ANKRD44: variants seen among roughly 807,000 people sequenced by gnomAD.
The protein encoded by ANKRD44 is serine/threonine-protein phosphatase 6 regulatory ankyrin repeat subunit B.
Under a neutral mutation model 116.0 loss-of-function variants are expected in ANKRD44, and 35 were observed. That is an observed-to-expected ratio of 0.30 (90% confidence interval 0.23 to 0.40). ANKRD44 has a LOEUF of 0.40. Ranked by LOEUF, ANKRD44 falls within the 10% of genes least tolerant of loss-of-function variation. The pLI, the probability that ANKRD44 is intolerant of heterozygous loss-of-function variation, is 1.00. For synonymous variants in ANKRD44, 435 were observed against 461.8 expected, an observed-to-expected ratio of 0.94 and a Z score of 0.74; for missense variants, 1,014 against 1,242.6, an observed-to-expected ratio of 0.82 and a Z score of 2.77.
rs139406989 is a variant in ANKRD44 at position 197,038,366 on chromosome 2, A to T, written c.1651-13099T>A. The stretch of plus-strand genomic sequence containing the variant: ...CTTATAATAACAAAAACACCAACCA[A>T]CCAATCAATCAGCAAAACAAGCAAA... On this transcript the variant is annotated intron_variant, in intron 16 of 27. Transcript: ENST00000282272. 4.5e-3 allele frequency among the ~76,000 whole-genome samples: 678 copies of T among 152,272 alleles called. 22 individuals are homozygous for T. Among genetic ancestry groups the T allele is most frequent in the Admixed American group, 0.04 (616 of 15,300 alleles).
intron 2 of ANKRD44, among the ~76,000 whole-genome samples, chr2:197,186,788 A>C (rs1312140575): frequency 6.6e-6 from 1 of 151,758 alleles, no homozygotes; most frequent in African/African-American, 2.4e-5. Flanking sequence ...TTAAAAGCAC[A>C]TATATTACCA....
At chr2:197,131,881 T>C (rs977921384) in intron 4 of ANKRD44, among the ~76,000 whole-genome samples, 4 of 152,178 alleles carry the variant, frequency 2.6e-5, no homozygotes, top group Non-Finnish European at 5.9e-5. Context: ...TACATTTCGT[T>C]CCTTTCCCCT....
At chr2:196,973,071 C>T (rs1036325800) in intron 21 of ANKRD44, among the ~76,000 whole-genome samples, 9 of 152,152 alleles carry the variant, frequency 5.9e-5, no homozygotes, top group African/African-American at 2.2e-4. Context: ...TTCCTATACC[C>T]ACTACCACTG....
intron 1 of ANKRD44, among the ~76,000 whole-genome samples, chr2:197,256,781 T>A (rs1421526980): frequency 6.6e-6 from 1 of 152,158 alleles, no homozygotes; most frequent in Non-Finnish European, 1.5e-5. Flanking sequence ...GAGGCTCGTA[T>A]CCTAAGCTAA....
At chr2:196,974,023 C>G (rs1408545295) in intron 21 of ANKRD44, among the ~76,000 whole-genome samples, 3 of 151,778 alleles carry the variant, frequency 2.0e-5, no homozygotes, top group Admixed American at 6.6e-5. Flanking sequence ...AAGTAGAAAT[C>G]AGTACGAGAT....
chr2:197,259,854 GA>G (rs1189864429), intron 1 of ANKRD44, among the ~76,000 whole-genome samples: 1 of 152,130 alleles, frequency 6.6e-6, no homozygotes, highest in Non-Finnish European at 1.5e-5. Context: ...ATAACTCATT[GA>G]AAAGAATATG....
intron 21 of ANKRD44, among the ~76,000 whole-genome samples, chr2:196,968,527 G>A (rs1019768779): frequency 6.6e-6 from 1 of 152,184 alleles, no homozygotes; most frequent in African/African-American, 2.4e-5. Context: ...GGACTGCCCT[G>A]CCTAGTGGGA....
intron 10 of ANKRD44, chr2:197,099,456 G>T: frequency 1.1e-6 from 1 of 948,570 alleles, no homozygotes; most frequent in Non-Finnish European, 1.3e-6. Context: ...TTAAAGCTGA[G>T]CAAGCAATCT....
In ANKRD44 at chr2:197,111,508, G is replaced by A. The variant is rs980142946; in HGVS notation, c.907-664C>T. Among the ~76,000 whole-genome samples the A allele has an allele frequency of 3.9e-5, 6 of 152,010 alleles. No individual in the cohort carries two copies. In the East Asian group the frequency reaches 5.8e-4, roughly 15 times the overall value. ...ACAAAAATTAGCCAGGCATGGTGGC[G>A]CATGCCTGTAATCCCAGCTACTGGG... On this transcript the variant is annotated intron_variant, in intron 8 of 27. Transcript: ENST00000282272.
chr2:197,182,749 T>C (rs913538886), intron 2 of ANKRD44, among the ~76,000 whole-genome samples: 3 of 152,170 alleles, frequency 2.0e-5, no homozygotes, highest in African/African-American at 7.2e-5. Context: ...AGGTTTCAGA[T>C]CCCACGAATG....
At chr2:197,211,602 TA>T (rs971142649) in intron 1 of ANKRD44, among the ~76,000 whole-genome samples, 1 of 152,060 alleles carries the variant, frequency 6.6e-6, no homozygotes, top group African/African-American at 2.4e-5. Context: ...TTAACTAACT[TA>T]AAAAAATTAA....
chr2:196,971,251 G>A (rs2075713933), intron 21 of ANKRD44, among the ~76,000 whole-genome samples: 1 of 152,170 alleles, frequency 6.6e-6, no homozygotes. Flanking sequence ...TAAACAATAT[G>A]TGAATTTTTC....
intron 17 of ANKRD44, among the ~76,000 whole-genome samples, chr2:197,021,244 G>T (rs1362971705): frequency 1.3e-5 from 2 of 152,154 alleles, no homozygotes; most frequent in African/African-American, 4.8e-5. Context: ...TGTAAATAGT[G>T]CCACAATAAA....
intron 21 of ANKRD44, 35 bp downstream of exon 21, chr2:197,005,659 G>A (rs1259155619): frequency 5.6e-6 from 9 of 1,602,798 alleles, no homozygotes; most frequent in Non-Finnish European, 7.7e-6. Flanking sequence ...GGGGTAGGAA[G>A]TCTAGTGGAA....
In ANKRD44 at chr2:196,998,909, A is replaced by G. The variant is rs768990186; in HGVS notation, c.2663T>C (p.Val888Ala). The change falls in exon 24 of 28, where the codon GTG becomes GCG. Residue 888 changes from valine to alanine, a missense_variant and splice_region_variant. Physicochemically the swap from Val to Ala is moderately conservative, Grantham distance 64 (BLOSUM62 0). Coordinates refer to ENST00000282272, the MANE Select transcript of ANKRD44 (RefSeq NM_001195144.2). ...MAAENGQAGAVDILVNSAQAD... is the reference protein window; with the variant it reads ...MAAENGQAGAADILVNSAQAD... Reference sequence around the variant, plus strand: ...AAGTCCATACAACAAGCACATACCCACAGCGCCTGCCTGCCCATTCTCAGC... The same window carrying G: ...AAGTCCATACAACAAGCACATACCCGCAGCGCCTGCCTGCCCATTCTCAGC... The G allele has an allele frequency of 6.2e-7, 1 of 1,614,032 alleles. No homozygotes were observed. Among genetic ancestry groups the G allele is most frequent in the Non-Finnish European group, 8.5e-7 (1 of 1,179,976 alleles).
chr2:197,139,648 G>GATATAGATATAT lies in ANKRD44; in HGVS notation c.191-2987_191-2986insATATATCTATAT, dbSNP rs1262162229. On this transcript the variant is annotated intron_variant, in intron 3 of 27. Coordinates refer to ENST00000282272, the MANE Select transcript of ANKRD44 (RefSeq NM_001195144.2). ...ATATATAGATATAGATATAGATATA[G>GATATAGATATAT]ATATATATATAGCAAATATGGCAAA... Among the ~76,000 whole-genome samples the GATATAGATATAT allele has an allele frequency of 2.5e-3, 383 of 151,274 alleles. 1 individual carries two copies. Among genetic ancestry groups the GATATAGATATAT allele is most frequent in the East Asian group, 0.011 (57 of 5,156 alleles).
intron 22 of ANKRD44, among the ~76,000 whole-genome samples, chr2:197,001,094 C>G (rs1404908609): frequency 6.6e-6 from 1 of 152,194 alleles, no homozygotes; most frequent in Non-Finnish European, 1.5e-5. Context: ...CTTATACTTT[C>G]TTTATTGATC....
At chr2:197,093,281 A>G (rs545314648) in intron 10 of ANKRD44, among the ~76,000 whole-genome samples, 4 of 152,354 alleles carry the variant, frequency 2.6e-5, no homozygotes, top group African/African-American at 9.6e-5. Context: ...TGGGAAAAAC[A>G]AAAAGTATAA....
At chr2:196,977,713 A>G (rs183190772) in intron 21 of ANKRD44, among the ~76,000 whole-genome samples, 3 of 152,332 alleles carry the variant, frequency 2.0e-5, no homozygotes, top group African/African-American at 7.2e-5. Context: ...ACTGGCAAGG[A>G]GGTAGAGAAA....
Sources: gnomAD v4.1 joint callset for allele counts (sites outside exome capture counted in the v4.1 genomes callset) on GRCh38, gnomAD v4.1.1 for gene constraint, MANE v1.5 for transcripts, NCBI Gene and HGNC (gene_info 2026-07-23, HGNC 2026-07-21) for gene names.